The following PPP2R3A variants were observed in gnomAD, a reference collection of about 807,000 sequenced individuals.
PPP2R3A encodes the protein protein phosphatase 2 regulatory subunit B''alpha.
Under a neutral mutation model 106.9 loss-of-function variants are expected in PPP2R3A, and 80 were observed. That is an observed-to-expected ratio of 0.75 (90% CI 0.62 to 0.90). The LOEUF (loss-of-function observed/expected upper bound fraction) is 0.90, where lower values mean the gene tolerates loss of function less well. PPP2R3A is among the 40% of genes least tolerant of loss of function. The pLI is 0.00. For missense variants in PPP2R3A, 1,386 were observed against 1,350.4 expected, an observed-to-expected ratio of 1.03 and a Z score of -0.41; for synonymous variants, 483 against 468.3, an observed-to-expected ratio of 1.03 and a Z score of -0.41.
At position 136,002,343 on chromosome 3, in the gene PPP2R3A, T is replaced by C; in HGVS notation, c.845T>C (p.Met282Thr). ...TCTGAAACTGTCTATATGAATGTAA[T>C]GACCAGGTTAGCATCCTATCTGAAA... ...SSSETVYMNV[M>T]TRLASYLKKL... Residue 282 changes from methionine (M) to threonine (T), a missense_variant, in exon 2 of 14, where the codon ATG becomes ACG. Physicochemically the swap from Met to Thr is moderately conservative, Grantham distance 81. Coordinates refer to ENST00000264977, the MANE Select transcript of PPP2R3A (RefSeq NM_002718.5). 6.2e-7 allele frequency: 1 copy of C among 1,613,852 alleles called. No individual in the cohort carries two copies. Among genetic ancestry groups the C allele is most frequent in the Non-Finnish European group, 8.5e-7 (1 of 1,179,848 alleles).
chr3:136,129,828 G>T (rs1401621393), intron 13 of PPP2R3A, among the ~76,000 whole-genome samples: 4 of 152,272 alleles, frequency 2.6e-5, no homozygotes, highest in South Asian at 4.2e-4. Flanking sequence ...GATCAAGTCA[G>T]CTTCATCCCT....
chr3:136,018,959 C>T (rs752053018), intron 2 of PPP2R3A, among the ~76,000 whole-genome samples: 1 of 152,180 alleles, frequency 6.6e-6, no homozygotes, highest in Non-Finnish European at 1.5e-5. Flanking sequence ...CAGACCAAGA[C>T]AGCTGGATCT....
chr3:136,115,507 G>C (rs1448037789), intron 13 of PPP2R3A, among the ~76,000 whole-genome samples: 2 of 151,850 alleles, frequency 1.3e-5, no homozygotes, highest in African/African-American at 4.8e-5. Context: ...CTTTAAAAAA[G>C]GGTAGATGAA....
At chr3:136,127,539 G>T (rs979271467) in intron 13 of PPP2R3A, among the ~76,000 whole-genome samples, 1 of 152,142 alleles carries the variant, frequency 6.6e-6, no homozygotes, top group Non-Finnish European at 1.5e-5. Context: ...ACATCTGATT[G>T]GTGTACCTGA....
chr3:136,101,425 T>C (rs1182856921), intron 10 of PPP2R3A, among the ~76,000 whole-genome samples: 3 of 152,060 alleles, frequency 2.0e-5, no homozygotes, highest in Admixed American at 1.3e-4. Context: ...GTTGGTTGTT[T>C]AGTTGGTTTT....
intron 6 of PPP2R3A, 25 bp from the exon 7 acceptor site, chr3:136,078,342 G>A (rs1375501079): frequency 6.8e-7 from 1 of 1,470,484 alleles, no homozygotes; most frequent in Non-Finnish European, 9.5e-7. Flanking sequence ...GTTTTTATTT[G>A]GTTTTATTTT....
intron 13 of PPP2R3A, among the ~76,000 whole-genome samples, chr3:136,126,182 G>A (rs1455521972): frequency 1.3e-5 from 2 of 152,252 alleles, no homozygotes; most frequent in Admixed American, 6.5e-5. Flanking sequence ...ACCTCACCCA[G>A]GAAGCACAAG....
intron 1 of PPP2R3A, among the ~76,000 whole-genome samples, chr3:135,993,090 G>T (rs1933242805): frequency 6.6e-6 from 1 of 152,070 alleles, no homozygotes; most frequent in Non-Finnish European, 1.5e-5. Context: ...TGATTAATTG[G>T]ATTGATGAAA....
intron 2 of PPP2R3A, among the ~76,000 whole-genome samples, chr3:136,022,389 A>G (rs1484705140): frequency 2.6e-5 from 4 of 152,202 alleles, no homozygotes; most frequent in Non-Finnish European, 5.9e-5. Flanking sequence ...ATCTTTTTGT[A>G]AATTCCCATT....
chr3:136,144,916 C>G (rs1048990873), intron 13 of PPP2R3A, 127 bp from the exon 14 acceptor site: 4 of 990,308 alleles, frequency 4.0e-6, no homozygotes, highest in Non-Finnish European at 5.8e-6. Flanking sequence ...TTGAGTTGCT[C>G]ACGGCCTCCA....
chr3:136,052,369 T>A (rs1202072966), intron 5 of PPP2R3A, among the ~76,000 whole-genome samples: 1 of 152,134 alleles, frequency 6.6e-6, no homozygotes, highest in Non-Finnish European at 1.5e-5. Flanking sequence ...ACTATGTCTC[T>A]CTACAATACA....
chr3:135,971,504 A>G (rs1027288355), intron 1 of PPP2R3A, among the ~76,000 whole-genome samples: 6 of 152,242 alleles, frequency 3.9e-5, no homozygotes, highest in African/African-American at 1.4e-4. Flanking sequence ...AACAGAAAAT[A>G]TAAGGGGTGG....
At chr3:136,101,626 A>G (rs1202761741) in intron 10 of PPP2R3A, among the ~76,000 whole-genome samples, 1 of 152,130 alleles carries the variant, frequency 6.6e-6, no homozygotes, top group African/African-American at 2.4e-5. Context: ...GGGTTTCACC[A>G]TGTTGGCCAG....
chr3:135,966,457 G>A (rs1429345070), intron 1 of PPP2R3A, among the ~76,000 whole-genome samples: 1 of 152,144 alleles, frequency 6.6e-6, no homozygotes, highest in Non-Finnish European at 1.5e-5. Flanking sequence ...GTCCTGCACC[G>A]CGGCCGCGCT....
intron 13 of PPP2R3A, among the ~76,000 whole-genome samples, chr3:136,135,002 GAA>G (rs1408821585): frequency 6.6e-6 from 1 of 152,132 alleles, no homozygotes; most frequent in African/African-American, 2.4e-5. Flanking sequence ...ATGTTCATCT[GAA>G]AAGAGAAACT....
chr3:136,082,270 A>G lies in PPP2R3A; in HGVS notation c.2637A>G (p.Leu879=), dbSNP rs767575253. The G allele has an allele frequency of 1.5e-5, 23 of 1,581,542 alleles. No individual in the cohort carries two copies. In the East Asian group the frequency reaches 5.1e-4, roughly 35 times the overall value. Residue 879 remains leucine, a synonymous_variant, in exon 8 of 14, where the codon CTA becomes CTG. Transcript: ENST00000264977. ...EIRKSNFLQT[L]ALLEEEEDIN... ...TTCTTTTCATATAATTTCAGACCCT[A>G]GCACTTTTGGAAGAAGAGGAAGATA...
chr3:135,990,204 A>G (rs1318893209), intron 1 of PPP2R3A, among the ~76,000 whole-genome samples: 1 of 152,216 alleles, frequency 6.6e-6, no homozygotes, highest in African/African-American at 2.4e-5. Flanking sequence ...ATCTTATCCC[A>G]AATGAGCAGC....
At chr3:135,979,544 G>C (rs909833059) in intron 1 of PPP2R3A, among the ~76,000 whole-genome samples, 1 of 151,804 alleles carries the variant, frequency 6.6e-6, no homozygotes, top group Non-Finnish European at 1.5e-5. Context: ...TGTGTCATAT[G>C]ATGGGTCCCT....
chr3:136,145,178 T>G lies in PPP2R3A; in HGVS notation c.*12T>G. The G allele has an allele frequency of 6.3e-7, 1 of 1,598,544 alleles. No individual in the cohort carries two copies. The highest frequency in any genetic ancestry group is 1.1e-5 in the South Asian group (1 of 87,816). The stretch of plus-strand genomic sequence containing the variant: ...TGGATGAAGAATAGCTGCCGGTGTC[T>G]ACAATGAAACGAAGATGTGTATTTT... On this transcript the variant is annotated 3_prime_UTR_variant, in exon 14 of 14. Coordinates refer to ENST00000264977, the MANE Select transcript of PPP2R3A (RefSeq NM_002718.5).
Sources: allele counts gnomAD v4.1 joint callset (sites outside exome capture counted in the v4.1 genomes callset), GRCh38; gene constraint gnomAD v4.1.1; transcripts MANE v1.5; gene names NCBI Gene and HGNC (gene_info 2026-07-23, HGNC 2026-07-21).